The following GAREM1 variants were observed in gnomAD, a reference collection of about 807,000 sequenced individuals.
GAREM1 encodes the protein GRB2 associated regulator of MAPK1 subtype 1.
In GAREM1, 26 loss-of-function variants were observed where a neutral mutation model predicts 71.3. The ratio of observed to expected loss-of-function variants is 0.36; its 90% CI spans 0.27 to 0.51. The LOEUF is 0.51. Ranked by LOEUF, GAREM1 falls within the 20% of genes least tolerant of loss-of-function variation. The pLI is 0.95. For missense variants in GAREM1, 1,026 were observed against 1,103.1 expected, an observed-to-expected ratio of 0.93 and a Z score of 0.99; for synonymous variants, 440 against 433.2, an observed-to-expected ratio of 1.02 and a Z score of -0.20.
chr18:32,364,038 T>TTGTTTTTTTTAG lies in GAREM1; in HGVS notation c.262+28856_262+28857insCTAAAAAAAACA, dbSNP rs1298852686. ...TATATATATATATATGTTTTTTTTT[T>TTGTTTTTTTTAG]TTTTTTTTTTTTGTGAGACACAGCC... is the stretch of plus-strand genomic sequence containing the variant. On this transcript the variant is annotated intron_variant, in intron 2 of 5. Transcript: ENST00000269209. 5.8e-5 allele frequency among the ~76,000 whole-genome samples: 3 copies of TTGTTTTTTTTAG among 51,302 alleles called. 1 individual carries two copies. The highest frequency in any genetic ancestry group is 1.4e-4 in the Non-Finnish European group (3 of 21,888). The allele number at this position is 51,302 out of a possible 152,430, so 33.7% of individuals were successfully genotyped here. A position where few individuals can be genotyped will look rare whatever the true frequency, so the allele number is the denominator to read the frequency against.
At chr18:32,320,191 G>A (rs765412458) in intron 2 of GAREM1, among the ~76,000 whole-genome samples, 3 of 152,090 alleles carry the variant, frequency 2.0e-5, no homozygotes, top group Non-Finnish European at 4.4e-5. Context: ...CAGTCCAACA[G>A]GTGAAAAATA....
At chr18:32,418,482 C>T (rs1599034019) in intron 1 of GAREM1, among the ~76,000 whole-genome samples, 2 of 152,146 alleles carry the variant, frequency 1.3e-5, no homozygotes, top group East Asian at 3.9e-4. Context: ...AATAACAGAC[C>T]CACTCCAAAG....
chr18:32,270,442 G>A, intron 4 of GAREM1, 59 bp from the exon 5 acceptor site: 1 of 1,453,614 alleles, frequency 6.9e-7, no homozygotes, highest in Non-Finnish European at 9.3e-7. Flanking sequence ...CGGGGCGCCA[G>A]CTCAATCCTG....
chr18:32,379,772 G>T (rs2048076442), intron 2 of GAREM1, among the ~76,000 whole-genome samples: 1 of 151,846 alleles, frequency 6.6e-6, no homozygotes, highest in South Asian at 2.1e-4. Context: ...AAATACACTT[G>T]GGGGGCTGAG....
chr18:32,303,994 A>T, intron 3 of GAREM1, among the ~76,000 whole-genome samples: 1 of 112,760 alleles, frequency 8.9e-6, no homozygotes, highest in South Asian at 3.4e-4. Flanking sequence ...GAGGGAGGGG[A>T]GGGGAGGGAG....
At chr18:32,283,846 G>A (rs991861092) in intron 4 of GAREM1, among the ~76,000 whole-genome samples, 1 of 152,162 alleles carries the variant, frequency 6.6e-6, no homozygotes, top group African/African-American at 2.4e-5. Context: ...AACTTGGGAG[G>A]AAGACACCCT....
At chr18:32,420,755 G>GAAAAAAAAAAAAA (rs10683034) in intron 1 of GAREM1, among the ~76,000 whole-genome samples, 1 of 123,200 alleles carries the variant, frequency 8.1e-6, no homozygotes, top group East Asian at 2.2e-4. Flanking sequence ...CTTCAAAAAT[G>GAAAAAAAAAAAAA]AAAAAAAAAA....
chr18:32,319,033 G>C (rs1411862022), intron 2 of GAREM1, among the ~76,000 whole-genome samples: 1 of 152,104 alleles, frequency 6.6e-6, no homozygotes, highest in African/African-American at 2.4e-5. Flanking sequence ...GATTCAGTGT[G>C]GTACCTCCAG....
At chr18:32,436,175 G>T (rs1206295633) in intron 1 of GAREM1, among the ~76,000 whole-genome samples, 1 of 152,176 alleles carries the variant, frequency 6.6e-6, no homozygotes, top group Non-Finnish European at 1.5e-5. Flanking sequence ...AGACAATGAT[G>T]GAAGAGGTTT....
At chr18:32,308,545 A>G (rs185424383) in intron 3 of GAREM1, among the ~76,000 whole-genome samples, 1 of 149,920 alleles carries the variant, frequency 6.7e-6, no homozygotes, top group Non-Finnish European at 1.5e-5. Context: ...TTTTTCATTT[A>G]GAGAATTCTA....
intron 1 of GAREM1, chr18:32,412,509 C>T (rs2048429848): frequency 1.9e-6 from 3 of 1,597,356 alleles, no homozygotes; most frequent in Non-Finnish European, 2.5e-6. Flanking sequence ...ACCACGACCA[C>T]TGAAGTTTCC....
At chr18:32,433,977 A>T (rs2048650599) in intron 1 of GAREM1, among the ~76,000 whole-genome samples, 1 of 152,170 alleles carries the variant, frequency 6.6e-6, no homozygotes, top group South Asian at 2.1e-4. Context: ...ACAATTGTCA[A>T]AATGATTTTT....
intron 4 of GAREM1, among the ~76,000 whole-genome samples, chr18:32,285,098 C>T (rs73956860): frequency 2.4e-3 from 369 of 152,214 alleles, no homozygotes; most frequent in African/African-American, 7.9e-3. Flanking sequence ...TAGGGAATTG[C>T]TGACATAAAC....
chr18:32,313,166 T>A (rs2047340701), intron 2 of GAREM1, among the ~76,000 whole-genome samples: 2 of 151,850 alleles, frequency 1.3e-5, no homozygotes, highest in Non-Finnish European at 2.9e-5. Context: ...ACCAAGTGAA[T>A]ATGAGAAGTG....
At chr18:32,376,844 A>C (rs2048034851) in intron 2 of GAREM1, among the ~76,000 whole-genome samples, 1 of 152,230 alleles carries the variant, frequency 6.6e-6, no homozygotes, top group South Asian at 2.1e-4. Context: ...CTCAAAAATA[A>C]ATAAAAAAAC....
At chr18:32,269,976 A>C (rs1408714910) in intron 5 of GAREM1, among the ~76,000 whole-genome samples, 2 of 152,040 alleles carry the variant, frequency 1.3e-5, no homozygotes, top group Admixed American at 6.6e-5. Flanking sequence ...GTTGGCCTTT[A>C]CCTCTGAATT....
rs374951611 is a variant in GAREM1 at position 32,339,346 on chromosome 18, C to A, written c.263-29023G>T. Among the ~76,000 whole-genome samples, 17 of 152,184 alleles carry A rather than the reference C, an allele frequency of 1.1e-4. No individual in the cohort carries two copies. In the East Asian group the frequency reaches 2.7e-3, roughly 24 times the overall value. ...CACACCTACCATGATTCTTGCAGAA[C>A]GACTATGTGAAAACACTGTCCTACT... is the stretch of plus-strand genomic sequence containing the variant. On this transcript the variant is annotated intron_variant, in intron 2 of 5. Transcript: ENST00000269209.
chr18:32,308,929 C>T (rs1428901837), intron 3 of GAREM1, among the ~76,000 whole-genome samples: 3 of 150,102 alleles, frequency 2.0e-5, no homozygotes, highest in African/African-American at 7.4e-5. Context: ...TCCTAGGCAT[C>T]TCCTCCCTTT....
At chr18:32,306,472 A>C (rs925482030) in intron 3 of GAREM1, among the ~76,000 whole-genome samples, 1 of 88,680 alleles carries the variant, frequency 1.1e-5, no homozygotes, top group Admixed American at 9.4e-5. Flanking sequence ...AACCCCCCCC[A>C]CCCACTAAAT....
Sources: allele counts gnomAD v4.1 joint callset (sites outside exome capture counted in the v4.1 genomes callset), GRCh38; gene constraint gnomAD v4.1.1; transcripts MANE v1.5; gene names NCBI Gene and HGNC (gene_info 2026-07-23, HGNC 2026-07-21).